Variants in SH3PXD2B observed in about 807,000 individuals in gnomAD.
SH3PXD2B encodes SH3 and PX domains 2B, also known as SH3 and PX domain-containing protein 2B.
In SH3PXD2B, 37 loss-of-function variants were observed where a neutral mutation model predicts 73.1. The ratio of observed to expected loss-of-function variants is 0.51; its 90% confidence interval spans 0.39 to 0.67. The LOEUF (loss-of-function observed/expected upper bound fraction) is 0.67, where lower values mean the gene tolerates loss of function less well. Ranked by LOEUF, SH3PXD2B falls within the 30% of genes least tolerant of loss-of-function variation. The pLI, the probability that SH3PXD2B is intolerant of heterozygous loss-of-function variation, is 0.00. For synonymous variants in SH3PXD2B, 457 were observed against 480.5 expected (o/e 0.95, Z 0.64); for missense variants, 1,053 against 1,197.8 (o/e 0.88, Z 1.78).
At chr5:172,379,383 G>A (rs1431385828) in intron 5 of SH3PXD2B, among the ~76,000 whole-genome samples, 1 of 151,932 alleles carries the variant, frequency 6.6e-6, no homozygotes, top group Non-Finnish European at 1.5e-5. Flanking sequence ...CTCCCATGTG[G>A]GGACACATCT....
At chr5:172,400,631 G>C (rs1758403627) in intron 3 of SH3PXD2B, among the ~76,000 whole-genome samples, 1 of 152,188 alleles carries the variant, frequency 6.6e-6, no homozygotes, top group African/African-American at 2.4e-5. Context: ...CCCTCTCTCA[G>C]TATCACCATA....
At chr5:172,355,455 C>T (rs1757250583) in intron 8 of SH3PXD2B, among the ~76,000 whole-genome samples, 1 of 152,298 alleles carries the variant, frequency 6.6e-6, no homozygotes, top group East Asian at 1.9e-4. Context: ...AAGGGTGCCA[C>T]CCGGGTCCCA....
intron 1 of SH3PXD2B, among the ~76,000 whole-genome samples, chr5:172,448,565 G>A (rs1015474560): frequency 1.3e-5 from 2 of 152,158 alleles, no homozygotes; most frequent in East Asian, 1.9e-4. Flanking sequence ...GCTCAGGAGC[G>A]CTTGAAGAGA....
At chr5:172,408,041 CT>C (rs1455411246) in intron 2 of SH3PXD2B, among the ~76,000 whole-genome samples, 2 of 152,184 alleles carry the variant, frequency 1.3e-5, no homozygotes, top group East Asian at 3.9e-4. Context: ...TGGTGCTGTT[CT>C]ACACGATGCC....
chr5:172,451,902 C>T (rs976983900), intron 1 of SH3PXD2B, among the ~76,000 whole-genome samples: 1 of 152,198 alleles, frequency 6.6e-6, no homozygotes, highest in Non-Finnish European at 1.5e-5. Flanking sequence ...TTCAGTTCAG[C>T]CCATTGCCCC....
At position 172,350,501 on chromosome 5, in the gene SH3PXD2B, G is replaced by T. The variant is rs1225915901; in HGVS notation, c.874C>A (p.Pro292Thr). The part of the protein sequence containing the change: ...PLPPKPGPGS[P>T]SHPGALDLDG... ...AAGTCAAGGGCACCCGGGTGGGAGGGTGAGCCAGGGCCTGGCTTCGGGGGC... is the reference window on the plus strand; with the variant it reads ...AAGTCAAGGGCACCCGGGTGGGAGGTTGAGCCAGGGCCTGGCTTCGGGGGC... Residue 292 changes from proline to threonine, a missense_variant, in exon 10 of 13, where the codon CCC becomes ACC. By Grantham distance (38) the Pro-to-Thr change is conservative (BLOSUM62 -1). Transcript: ENST00000311601. The T allele has an allele frequency of 1.2e-6, 2 of 1,614,024 alleles. No homozygotes were observed. Among genetic ancestry groups the T allele is most frequent in the Non-Finnish European group, 1.7e-6 (2 of 1,180,022 alleles).
At chr5:172,391,906 G>A (rs1443865334) in intron 4 of SH3PXD2B, among the ~76,000 whole-genome samples, 1 of 152,192 alleles carries the variant, frequency 6.6e-6, no homozygotes, top group Non-Finnish European at 1.5e-5. Context: ...AGGTCGTGAT[G>A]AGTTTCTCCT....
intron 1 of SH3PXD2B, among the ~76,000 whole-genome samples, chr5:172,422,975 C>T (rs1759007102): frequency 6.6e-6 from 1 of 152,196 alleles, no homozygotes; most frequent in Non-Finnish European, 1.5e-5. Context: ...CCCCGAGTCC[C>T]AGTTTCTCCT....
chr5:172,367,764 G>C (rs554642812), intron 6 of SH3PXD2B, among the ~76,000 whole-genome samples: 9 of 152,270 alleles, frequency 5.9e-5, no homozygotes, highest in Admixed American at 2.6e-4. Context: ...CTTACAGGAG[G>C]TAACTGGCTC....
chr5:172,447,172 GAGAAAAGCAC>G (rs1172492393), intron 1 of SH3PXD2B, among the ~76,000 whole-genome samples: 8 of 151,838 alleles, frequency 5.3e-5, no homozygotes, highest in African/African-American at 1.4e-4. Context: ...ATTCGGAAAA[GAGAAAAGCAC>G]AGAAAAGCAC....
At position 172,339,411 on chromosome 5, in the gene SH3PXD2B, G is replaced by A. The variant is rs1354820151; in HGVS notation, c.1694C>T (p.Pro565Leu). Residue 565 changes from proline (P) to leucine (L), a missense_variant, in exon 13 of 13, where the codon CCA becomes CTA. Pro to Leu is a moderately conservative substitution (Grantham distance 98). This residue lies in a region of SH3PXD2B where 587 missense variants were observed against 590.7 expected (regional missense o/e 0.99). Coordinates refer to ENST00000311601, the MANE Select transcript of SH3PXD2B (RefSeq NM_001017995.3). The surrounding 1 kb of genome is among the most constrained non-coding windows in gnomAD (Gnocchi z 6.1). ...KPPGVILPMM[P>L]AKHIPPARDS... ...CCGGGCTGGAGGGATGTGTTTGGCT[G>A]GCATCATCGGCAAAATCACGCCCGG... The A allele has an allele frequency of 1.2e-6, 2 of 1,614,176 alleles. No individual in the cohort carries two copies. Among genetic ancestry groups the A allele is most frequent in the East Asian group, 4.5e-5 (2 of 44,864 alleles).
chr5:172,449,622 C>T (rs924943595), intron 1 of SH3PXD2B, among the ~76,000 whole-genome samples: 9 of 152,104 alleles, frequency 5.9e-5, no homozygotes, highest in African/African-American at 1.2e-4. Context: ...CTCAGATAGC[C>T]GATAAAGGTA....
chr5:172,348,654 C>CTATCCTATCTATCTATCTGTCTGTCTAT (rs1440672001), intron 10 of SH3PXD2B, among the ~76,000 whole-genome samples: 5 of 60,398 alleles, frequency 8.3e-5, no homozygotes, highest in African/African-American at 3.1e-4. Context: ...ATCTATCTAT[C>CTATCCTATCTATCTATCTGTCTGTCTAT]CTATCTATCT....
intron 5 of SH3PXD2B, 53 bp from the exon 6 acceptor site, chr5:172,373,868 T>C: frequency 3.8e-6 from 6 of 1,595,542 alleles, no homozygotes; most frequent in Non-Finnish European, 5.2e-6. Context: ...ACTTGCCATG[T>C]ATTGACGTGA....
At position 172,337,087 on chromosome 5, in the gene SH3PXD2B, C is replaced by T; in HGVS notation, c.*1282G>A. On this transcript the variant is annotated 3_prime_UTR_variant, in exon 13 of 13. Transcript: ENST00000311601. ...ATAAGCTCTATTCCCCAGGGGGCAA[C>T]AGCTTAGAAGAGGGAACAGGGCTCT... 3.2e-6 allele frequency: 3 copies of T among 934,810 alleles called. No homozygotes were observed. Among genetic ancestry groups the T allele is most frequent in the Non-Finnish European group, 3.7e-6 (3 of 810,490 alleles). The allele number at this position is 934,810 out of a possible 1,614,324, so 57.9% of individuals were successfully genotyped here.
At chr5:172,365,062 C>G (rs1757484390) in intron 6 of SH3PXD2B, among the ~76,000 whole-genome samples, 1 of 152,216 alleles carries the variant, frequency 6.6e-6, no homozygotes, top group Non-Finnish European at 1.5e-5. Context: ...GGCCACTCCC[C>G]CTCCCTGCCT....
rs1327425564 is a variant in SH3PXD2B, at chr5:172,380,129, C to T, written c.401+1907G>A. Among the ~76,000 whole-genome samples, 3 of 152,162 alleles carry T rather than the reference C, an allele frequency of 2.0e-5. No individual in the cohort carries two copies. The East Asian group carries it at 5.8e-4, about 29-fold the overall frequency. Reference sequence around the variant, plus strand: ...TGGAGTGCAGTGGCGGCGATCACTGCTCACTGCAGCCTCAACCTCCTTGGC... The same window carrying T: ...TGGAGTGCAGTGGCGGCGATCACTGTTCACTGCAGCCTCAACCTCCTTGGC... On this transcript the variant is annotated intron_variant, in intron 5 of 12. Transcript: ENST00000311601.
Position 172,368,630 on chromosome 5 carries a change from A to ATATATGTTATATATATAAC in SH3PXD2B, c.427+5159_427+5160insGTTATATATATAACATATA, listed in dbSNP as rs1554137059. Among the ~76,000 whole-genome samples the ATATATGTTATATATATAAC allele has an allele frequency of 2.9e-3, 33 of 11,550 alleles. 4 individuals are homozygous for ATATATGTTATATATATAAC. The highest frequency in any genetic ancestry group is 0.012 in the South Asian group (2 of 162). 7.6% of individuals were successfully genotyped at this position (11,550 alleles called of 152,430 possible). On this transcript the variant is annotated intron_variant, in intron 6 of 12. Coordinates refer to ENST00000311601, the MANE Select transcript of SH3PXD2B (RefSeq NM_001017995.3). ...TAATATATATGTTATATATATATAT[A>ATATATGTTATATATATAAC]ATATATATGTTATATATATAAAATA...
At chr5:172,409,703 TTTTTCTTTTTC>T (rs1359177947) in intron 2 of SH3PXD2B, among the ~76,000 whole-genome samples, 1 of 152,170 alleles carries the variant, frequency 6.6e-6, no homozygotes. Flanking sequence ...CCACATTTTC[TTTTTCTTTTTC>T]TTTTCTTTTC....
Sources: allele counts gnomAD v4.1 joint callset (sites outside exome capture counted in the v4.1 genomes callset), GRCh38; gene constraint gnomAD v4.1.1; regional missense constraint gnomAD v4.1.1; non-coding constraint Gnocchi (gnomAD v3.1); transcripts MANE v1.5; gene names NCBI Gene and HGNC (gene_info 2026-07-23, HGNC 2026-07-21).